The following CHN2 variants were observed in gnomAD, a reference collection of about 807,000 sequenced individuals.
The protein encoded by CHN2 is beta-chimaerin.
In CHN2, 35 loss-of-function variants were observed where a neutral mutation model predicts 56.3. The observed-to-expected ratio is 0.62, with a 90% CI of 0.47 to 0.82. The LOEUF (loss-of-function observed/expected upper bound fraction) is 0.82. Among genes scored for constraint, CHN2 ranks in the 40% least tolerant of loss-of-function variants. The pLI, the probability that CHN2 is intolerant of heterozygous loss-of-function variation, is 0.00. For missense variants in CHN2, 491 were observed against 580.5 expected (o/e 0.85, Z 1.58); for synonymous variants, 210 against 212.8 (o/e 0.99, Z 0.12).
intron 1 of CHN2, among the ~76,000 whole-genome samples, chr7:29,238,351 CTG>C (rs1297435664): frequency 1.3e-5 from 2 of 152,146 alleles, no homozygotes. Flanking sequence ...AACTTCGGGT[CTG>C]TTATGTGTAT....
chr7:29,445,162 A>C (rs1262126414), intron 6 of CHN2: 1 of 456,026 alleles, frequency 2.2e-6, no homozygotes, highest in African/African-American at 2.0e-5. Context: ...CCACCAGTAC[A>C]TGTAAGTAGA....
chr7:29,331,454 T>C (rs1277946252), intron 1 of CHN2, among the ~76,000 whole-genome samples: 2 of 152,194 alleles, frequency 1.3e-5, no homozygotes, highest in African/African-American at 4.8e-5. Flanking sequence ...GTCTGCTGCC[T>C]GAACTGCAGC....
intron 2 of CHN2, among the ~76,000 whole-genome samples, chr7:29,363,562 G>C (rs1798903651): frequency 6.6e-6 from 1 of 152,208 alleles, no homozygotes; most frequent in Admixed American, 6.5e-5. Context: ...GCAGTGCACA[G>C]AACAACATCC....
chr7:29,331,075 A>G (rs569547738), intron 1 of CHN2, among the ~76,000 whole-genome samples: 1 of 152,352 alleles, frequency 6.6e-6, no homozygotes, highest in South Asian at 2.1e-4. Flanking sequence ...GGCAACGTAT[A>G]TGACTCCAGT....
intron 3 of CHN2, among the ~76,000 whole-genome samples, chr7:29,383,039 T>C (rs1800639242): frequency 6.6e-6 from 1 of 152,164 alleles, no homozygotes; most frequent in South Asian, 2.1e-4. Context: ...CTAGATGCTA[T>C]TCATGTGTTC....
At chr7:29,199,537 T>G (rs1783993958) in intron 1 of CHN2, 1 of 152,242 alleles carries the variant, frequency 6.6e-6, no homozygotes, top group Non-Finnish European at 1.5e-5. Flanking sequence ...GCACAAATTG[T>G]GATTTAAAAT....
rs849925 is a variant in CHN2 at position 29,451,963 on chromosome 7, G to A, written c.577-28316G>A. ...GCCTAAATCAGGCTAAAGAAGGAAG[G>A]TCATCATGACCGCCACACCACCCGT... On this transcript the variant is annotated intron_variant, in intron 6 of 12. Transcript: ENST00000222792. 6.1e-3 allele frequency among the ~76,000 whole-genome samples: 935 copies of A among 152,082 alleles called. 14 individuals are homozygous for A. The highest frequency in any genetic ancestry group is 0.021 in the African/African-American group (890 of 41,478).
chr7:29,400,634 A>T lies in CHN2; in HGVS notation c.382A>T (p.Thr128Ser), dbSNP rs777886911. 1 of 1,614,208 alleles carries T rather than the reference A, an allele frequency of 6.2e-7. No individual in the cohort carries two copies. The highest frequency in any genetic ancestry group is 1.1e-5 in the South Asian group (1 of 91,080). The change falls in exon 6 of 13, where the codon ACA becomes TCA. Residue 128 changes from threonine (T) to serine (S), a missense_variant. Thr to Ser is a moderately conservative substitution (Grantham distance 58, BLOSUM62 1). Coordinates refer to ENST00000222792, the MANE Select transcript of CHN2 (RefSeq NM_004067.4). ...GTTTGAGTCGATTCATGATCTGGTG[A>T]CAGATGGCTTGATAACACTGTACAT... Reference protein sequence around the residue: ...KRFESIHDLVTDGLITLYIET... With the variant: ...KRFESIHDLVSDGLITLYIET...
intron 1 of CHN2, among the ~76,000 whole-genome samples, chr7:29,261,406 C>A (rs1409743297): frequency 6.6e-6 from 1 of 152,134 alleles, no homozygotes; most frequent in Non-Finnish European, 1.5e-5. Context: ...ACCTCCCCTG[C>A]TAGGACGCTG....
At chr7:29,230,629 C>T (rs959205840) in intron 1 of CHN2, among the ~76,000 whole-genome samples, 2 of 152,174 alleles carry the variant, frequency 1.3e-5, no homozygotes, top group Admixed American at 1.3e-4. Context: ...GCGTGAGCCA[C>T]CATGCCAGGC....
chr7:29,270,590 G>A (rs1300809106), intron 1 of CHN2, among the ~76,000 whole-genome samples: 1 of 151,954 alleles, frequency 6.6e-6, no homozygotes, highest in Non-Finnish European at 1.5e-5. Context: ...CTTGAACTTG[G>A]GAGGTGGTGG....
intron 1 of CHN2, among the ~76,000 whole-genome samples, chr7:29,240,814 T>TC (rs1787601431): frequency 7.8e-6 from 1 of 128,900 alleles, no homozygotes; most frequent in Admixed American, 9.3e-5. Flanking sequence ...TTCTTCTTCT[T>TC]CTTCGTCGTC....
intron 6 of CHN2, among the ~76,000 whole-genome samples, chr7:29,405,164 TACACACACAC>T (rs57823678): frequency 0.022 from 2,291 of 105,176 alleles, 81 homozygotes; most frequent in African/African-American, 0.066. Flanking sequence ...TATGTCACCA[TACACACACAC>T]ACACACACAC....
chr7:29,232,325 G>A (rs1195282837), intron 1 of CHN2, among the ~76,000 whole-genome samples: 5 of 151,850 alleles, frequency 3.3e-5, no homozygotes, highest in African/African-American at 1.2e-4. Flanking sequence ...AAAATGCATT[G>A]TACTTTCCTA....
chr7:29,490,652 C>A (rs946364892), intron 7 of CHN2, among the ~76,000 whole-genome samples: 1 of 152,210 alleles, frequency 6.6e-6, no homozygotes, highest in Non-Finnish European at 1.5e-5. Flanking sequence ...ATTTGTAATG[C>A]CACTTCTGAG....
chr7:29,194,617 G>C (rs911973512), upstream of CHN2: 1 of 271,614 alleles, frequency 3.7e-6, no homozygotes, highest in Non-Finnish European at 6.8e-6. Context: ...GAGCGTGGAC[G>C]GCAGAGGGGC....
chr7:29,194,632 C>G, upstream of CHN2: 1 of 298,070 alleles, frequency 3.4e-6, no homozygotes, highest in East Asian at 5.7e-5. Context: ...AGGGGCTCGG[C>G]GGGAGCCGAG....
chr7:29,245,013 A>G (rs1049107809), intron 1 of CHN2, among the ~76,000 whole-genome samples: 4 of 152,038 alleles, frequency 2.6e-5, no homozygotes, highest in East Asian at 1.9e-4. Flanking sequence ...CAGATTACCT[A>G]TGGTTTCTTG....
intron 2 of CHN2, chr7:29,147,039 T>A: frequency 6.5e-7 from 1 of 1,533,460 alleles, no homozygotes; most frequent in Non-Finnish European, 8.8e-7. Flanking sequence ...CCACCTGATG[T>A]GTTCTGTACC....
Sources: allele counts gnomAD v4.1 joint callset (sites outside exome capture counted in the v4.1 genomes callset), GRCh38; gene constraint gnomAD v4.1.1; transcripts MANE v1.5; gene names NCBI Gene and HGNC (gene_info 2026-07-23, HGNC 2026-07-21).